The following TENM2 variants were observed in gnomAD, a reference collection of about 807,000 sequenced individuals.
TENM2 encodes the protein teneurin transmembrane protein 2, also known as teneurin-2.
In TENM2, 52 loss-of-function variants were observed where a neutral mutation model predicts 245.2. That is an observed-to-expected ratio of 0.21 (90% CI 0.17 to 0.27). The LOEUF (loss-of-function observed/expected upper bound fraction) is 0.27, where lower values mean the gene tolerates loss of function less well. Ranked by LOEUF, TENM2 falls within the 10% of genes least tolerant of loss-of-function variation. The probability of loss-of-function intolerance (pLI) is 1.00; values close to 1 mark genes in which losing one functional copy is unlikely to be tolerated. For missense variants in TENM2, 3,046 were observed against 3,666.8 expected (o/e 0.83, Z 4.37); for synonymous variants, 1,363 against 1,438.9 (o/e 0.95, Z 1.19).
intron 23 of TENM2, among the ~76,000 whole-genome samples, chr5:168,222,430 A>G (rs1410540742): frequency 6.6e-6 from 1 of 152,212 alleles, no homozygotes; most frequent in Non-Finnish European, 1.5e-5. Context: ...GGGAAGGGGC[A>G]AATGTCAGAT....
intron 1 of TENM2, among the ~76,000 whole-genome samples, chr5:167,365,486 A>G (rs904507000): frequency 5.3e-5 from 8 of 151,886 alleles, no homozygotes; most frequent in Non-Finnish European, 2.9e-5. Flanking sequence ...AGCTGTTTGA[A>G]AAATCGATAA....
intron 2 of TENM2, among the ~76,000 whole-genome samples, chr5:167,777,987 T>A (rs570644822): frequency 6.6e-6 from 1 of 152,336 alleles, no homozygotes; most frequent in African/African-American, 2.4e-5. Context: ...CTGCCATTCA[T>A]TTCTTGGCTG....
chr5:167,228,788 T>C, the TENM2 span, among the ~76,000 whole-genome samples: 1 of 151,894 alleles, frequency 6.6e-6, no homozygotes, highest in African/African-American at 2.4e-5. Context: ...CACTGCAAGC[T>C]CCGCCTCCTG....
the TENM2 span, among the ~76,000 whole-genome samples, chr5:167,261,147 G>C: frequency 6.6e-6 from 1 of 152,160 alleles, no homozygotes; most frequent in East Asian, 1.9e-4. Context: ...AGCTCTGGGA[G>C]TGGAGGGCAG....
chr5:167,457,245 CT>C (rs1765978354), intron 2 of TENM2, among the ~76,000 whole-genome samples: 1 of 151,928 alleles, frequency 6.6e-6, no homozygotes, highest in African/African-American at 2.4e-5. Flanking sequence ...ATTGCAAAAC[CT>C]TATAAGAGTT....
chr5:167,348,117 G>A (rs1758582750), intron 1 of TENM2, among the ~76,000 whole-genome samples: 1 of 152,166 alleles, frequency 6.6e-6, no homozygotes. Context: ...AGTCCTGCTC[G>A]GAGTTTGGGA....
chr5:167,290,596 T>G (rs1754576805), intron 1 of TENM2, among the ~76,000 whole-genome samples: 1 of 152,156 alleles, frequency 6.6e-6, no homozygotes, highest in Non-Finnish European at 1.5e-5. Flanking sequence ...TTTTTCCAGC[T>G]TGTTCATAGA....
the TENM2 span, among the ~76,000 whole-genome samples, chr5:167,269,815 C>G: frequency 2.0e-5 from 3 of 152,098 alleles, no homozygotes; most frequent in African/African-American, 7.2e-5. Flanking sequence ...CTCTTAAGAC[C>G]CTTCTCTCTT....
chr5:167,531,004 G>A (rs1402541735), intron 2 of TENM2, among the ~76,000 whole-genome samples: 1 of 152,222 alleles, frequency 6.6e-6, no homozygotes, highest in Non-Finnish European at 1.5e-5. Context: ...TTGACTGCAA[G>A]TAGCAGGGGT....
intron 2 of TENM2, among the ~76,000 whole-genome samples, chr5:167,442,743 A>G (rs1462250493): frequency 2.6e-5 from 4 of 152,206 alleles, no homozygotes; most frequent in Admixed American, 2.0e-4. Context: ...TTTTTCAGAA[A>G]TAGCATTGTT....
At chr5:167,198,060 G>T in the TENM2 span, among the ~76,000 whole-genome samples, 114 of 151,990 alleles carry the variant, frequency 7.5e-4, 1 homozygote, top group Non-Finnish European at 3.8e-4. Context: ...AAATTGTGGG[G>T]ATAATCTTCA....
chr5:168,247,097 A>G lies in TENM2; in HGVS notation c.6158A>G (p.Asn2053Ser), dbSNP rs762990923. 19 of 1,613,722 alleles carry G rather than the reference A, an allele frequency of 1.2e-5. No homozygotes were observed. The highest frequency in any genetic ancestry group is 2.2e-5 in the East Asian group (1 of 44,860). Reference sequence around the variant, plus strand: ...ACCACTGGTGTCTTGAAGATGGTCAACCTCCAAAGTGGGGGCTTCTCCTGC... The same window carrying G: ...ACCACTGGTGTCTTGAAGATGGTCAGCCTCCAAAGTGGGGGCTTCTCCTGC... Residue 2053 changes from asparagine (N) to serine (S), a missense_variant, in exon 27 of 29, where the codon AAC (asparagine) becomes AGC (serine). Around this residue, in one of 2 missense-constraint regions of TENM2, gnomAD observed 2,704 missense variants for 3,331.9 expected, o/e 0.81. Transcript: ENST00000518659. The surrounding 1 kb of genome is among the most constrained non-coding windows in gnomAD (Gnocchi z 7.8).
At chr5:167,071,878 G>GCCCCCCCCCC in the TENM2 span, among the ~76,000 whole-genome samples, 10 of 124,024 alleles carry the variant, frequency 8.1e-5, no homozygotes, top group South Asian at 2.9e-4. Flanking sequence ...TTGACAAATC[G>GCCCCCCCCCC]CCCCCCCCCG....
chr5:168,020,699 T>C (rs1786068800), intron 5 of TENM2, among the ~76,000 whole-genome samples: 1 of 152,220 alleles, frequency 6.6e-6, no homozygotes, highest in Non-Finnish European at 1.5e-5. Context: ...ATGTTGGCTT[T>C]TCTGAACCTC....
chr5:167,126,656 C>T, the TENM2 span, among the ~76,000 whole-genome samples: 23 of 152,108 alleles, frequency 1.5e-4, no homozygotes, highest in African/African-American at 4.8e-4. Context: ...ACTGTAATGA[C>T]ATCACCAGAT....
chr5:167,165,665 T>G, the TENM2 span, among the ~76,000 whole-genome samples: 4 of 152,066 alleles, frequency 2.6e-5, no homozygotes, highest in Non-Finnish European at 5.9e-5. Context: ...TATAATAAGA[T>G]CAAGGTAAAA....
chr5:167,398,936 T>G (rs1279413737), intron 2 of TENM2, among the ~76,000 whole-genome samples: 1 of 152,196 alleles, frequency 6.6e-6, no homozygotes, highest in Non-Finnish European at 1.5e-5. Context: ...TATAGATTTA[T>G]CACATGCAAA....
chr5:168,013,857 C>G (rs895364498), intron 5 of TENM2, among the ~76,000 whole-genome samples: 1 of 152,190 alleles, frequency 6.6e-6, no homozygotes, highest in Non-Finnish European at 1.5e-5. Flanking sequence ...TCCACGCTCT[C>G]CCTGAAAGCA....
intron 2 of TENM2, among the ~76,000 whole-genome samples, chr5:167,663,634 T>C (rs1755385918): frequency 6.6e-6 from 1 of 152,164 alleles, no homozygotes; most frequent in African/African-American, 2.4e-5. Flanking sequence ...CTATACATTC[T>C]TTGCTATCTA....
Sources: allele counts gnomAD v4.1 joint callset (sites outside exome capture counted in the v4.1 genomes callset), GRCh38; gene constraint gnomAD v4.1.1; regional missense constraint gnomAD v4.1.1; non-coding constraint Gnocchi (gnomAD v3.1); transcripts MANE v1.5; gene names NCBI Gene and HGNC (gene_info 2026-07-23, HGNC 2026-07-21).